ANO4: variants seen among roughly 807,000 people sequenced by gnomAD.
ANO4 encodes the protein anoctamin-4.
A neutral mutation model predicts 141.9 loss-of-function variants in ANO4; 69 were observed. The observed-to-expected ratio is 0.49, with a 90% confidence interval of 0.40 to 0.59. The LOEUF is 0.59. Among genes scored for constraint, ANO4 ranks in the 20% least tolerant of loss-of-function variants. ANO4 has a pLI of 0.00. For synonymous variants in ANO4, 350 were observed against 394.3 expected (o/e 0.89, Z 1.33); for missense variants, 894 against 1,162.2 (o/e 0.77, Z 3.36).
intron 15 of ANO4, among the ~76,000 whole-genome samples, chr12:101,081,706 G>C (rs1035038610): frequency 1.3e-5 from 2 of 152,186 alleles, no homozygotes; most frequent in African/African-American, 4.8e-5. Flanking sequence ...CATGCTCACA[G>C]TTCTGGAGGC....
chr12:101,063,745 C>CTTTTTGTTTTTT (rs2048447810), intron 14 of ANO4, among the ~76,000 whole-genome samples: 1 of 24,772 alleles, frequency 4.0e-5, no homozygotes, highest in Non-Finnish European at 6.7e-5. Flanking sequence ...TCCAGGTTAT[C>CTTTTTGTTTTTT]TTTTTTTTTT....
chr12:100,881,482 A>G (rs929159719), intron 1 of ANO4, among the ~76,000 whole-genome samples: 6 of 151,070 alleles, frequency 4.0e-5, no homozygotes, highest in African/African-American at 1.5e-4. Context: ...ATTCTCCACT[A>G]TTGGATAACA....
intron 1 of ANO4, among the ~76,000 whole-genome samples, chr12:100,727,748 T>C (rs1317635767): frequency 6.6e-6 from 1 of 152,126 alleles, no homozygotes; most frequent in Non-Finnish European, 1.5e-5. Context: ...ACTTTCCCCC[T>C]CATTTATTTC....
chr12:101,064,494 C>T (rs1277206079), intron 14 of ANO4, among the ~76,000 whole-genome samples: 1 of 151,974 alleles, frequency 6.6e-6, no homozygotes, highest in South Asian at 2.1e-4. Context: ...CGGAGGGGAA[C>T]ATCACACACC....
intron 18 of ANO4, 81 bp from the exon 19 acceptor site, chr12:101,096,455 G>C (rs2049985992): frequency 9.2e-7 from 1 of 1,090,380 alleles, no homozygotes; most frequent in Non-Finnish European, 1.4e-6. Flanking sequence ...TCCCCACCCT[G>C]TGTGTGTGGG....
In ANO4 at chr12:101,028,176, G is replaced by A. The variant is rs563717440; in HGVS notation, c.841+8036G>A. On this transcript the variant is annotated intron_variant, in intron 9 of 27. Transcript: ENST00000392977. Reference sequence around the variant, plus strand: ...GTCCTCACAAAAACCCCATCCAGTGGTCAGCTGCCTCAAAGATCGAAACTA... The same window carrying A: ...GTCCTCACAAAAACCCCATCCAGTGATCAGCTGCCTCAAAGATCGAAACTA... Among the ~76,000 whole-genome samples the A allele has an allele frequency of 2.0e-5, 3 of 152,118 alleles. No individual in the cohort carries two copies. In the East Asian group the frequency reaches 5.8e-4, roughly 29 times the overall value.
rs779831298 is a variant in ANO4 at position 100,971,426 on chromosome 12, A to G, written c.557+20A>G. ...TTTCAGGTAGGTGGAAATGTATTTTATTCCACTCTCTCTGCTGCTTCACTG... is the reference window on the plus strand; with the variant it reads ...TTTCAGGTAGGTGGAAATGTATTTTGTTCCACTCTCTCTGCTGCTTCACTG... On this transcript the variant is annotated intron_variant, in intron 6 of 27. Coordinates refer to ENST00000392977, the MANE Select transcript of ANO4 (RefSeq NM_001286615.2). 3.9e-5 allele frequency: 58 copies of G among 1,483,960 alleles called. No homozygotes were observed. Among genetic ancestry groups the G allele is most frequent in the Non-Finnish European group, 4.7e-5 (50 of 1,065,412 alleles). The allele number at this position is 1,483,960 out of a possible 1,614,324, so 91.9% of individuals were successfully genotyped here.
intron 7 of ANO4, among the ~76,000 whole-genome samples, chr12:100,979,961 C>T (rs1397547833): frequency 5.4e-5 from 8 of 147,102 alleles, no homozygotes; most frequent in Admixed American, 4.2e-4. Flanking sequence ...AGGATGGTCT[C>T]GATCTCTTGA....
chr12:100,863,516 G>A (rs973920410), intron 1 of ANO4, among the ~76,000 whole-genome samples: 2 of 152,020 alleles, frequency 1.3e-5, no homozygotes, highest in Non-Finnish European at 2.9e-5. Flanking sequence ...GAAGGCTTTC[G>A]GCTGAGTTCA....
rs565267413 is a variant in ANO4 at position 101,070,432 on chromosome 12, T to A, written c.1313-8761T>A. Among the ~76,000 whole-genome samples the A allele has an allele frequency of 9.2e-5, 14 of 152,274 alleles. No homozygotes were observed. The East Asian group carries it at 2.7e-3, about 29-fold the overall frequency. On this transcript the variant is annotated intron_variant, in intron 14 of 27. Coordinates refer to ENST00000392977, the MANE Select transcript of ANO4 (RefSeq NM_001286615.2). ...ATACATTGGGGAAAAGTCTTTTCAA[T>A]AAATGGTGCTAGGAAAGCTGGATAT...
chr12:100,926,283 A>G (rs900616381), intron 3 of ANO4, among the ~76,000 whole-genome samples: 4 of 152,124 alleles, frequency 2.6e-5, no homozygotes, highest in African/African-American at 9.7e-5. Context: ...TGCATACCCT[A>G]AGTATATCCT....
At chr12:100,935,568 A>T (rs1374459156) in intron 3 of ANO4, among the ~76,000 whole-genome samples, 1 of 152,164 alleles carries the variant, frequency 6.6e-6, no homozygotes, top group Non-Finnish European at 1.5e-5. Flanking sequence ...AAGGAAGGTG[A>T]TGGGATTCAT....
chr12:101,069,532 G>A (rs1030844544), intron 14 of ANO4, among the ~76,000 whole-genome samples: 1 of 152,290 alleles, frequency 6.6e-6, no homozygotes, highest in South Asian at 2.1e-4. Flanking sequence ...GGAGACATAT[G>A]CCTTCTGGAA....
intron 1 of ANO4, among the ~76,000 whole-genome samples, chr12:100,725,037 A>G (rs1460569085): frequency 6.6e-6 from 1 of 152,218 alleles, no homozygotes; most frequent in African/African-American, 2.4e-5. Context: ...TTTGTAAATT[A>G]AATGGTATTT....
chr12:100,809,204 T>G (rs561866527), intron 1 of ANO4, among the ~76,000 whole-genome samples: 1 of 152,204 alleles, frequency 6.6e-6, no homozygotes, highest in East Asian at 1.9e-4. Context: ...CTGGCCAACA[T>G]GGCAAAACCC....
chr12:100,717,386 G>T, upstream of ANO4: 1 of 344,904 alleles, frequency 2.9e-6, no homozygotes, highest in South Asian at 1.5e-4. Context: ...CGCGCTGACT[G>T]GGCGTGCTCA....
intron 14 of ANO4, among the ~76,000 whole-genome samples, chr12:101,056,706 T>G (rs1392814357): frequency 6.6e-6 from 1 of 151,934 alleles, no homozygotes; most frequent in Non-Finnish European, 1.5e-5. Flanking sequence ...TTAAGTATGA[T>G]AGAAACCACA....
intron 3 of ANO4, among the ~76,000 whole-genome samples, chr12:100,769,415 G>A (rs1288372507): frequency 6.6e-6 from 1 of 152,160 alleles, no homozygotes; most frequent in Non-Finnish European, 1.5e-5. Context: ...TATAGTGTAG[G>A]CATCCCACTG....
chr12:100,717,578 G>A, intron 1 of ANO4: 1 of 400,074 alleles, frequency 2.5e-6, no homozygotes, highest in Non-Finnish European at 4.4e-6. Context: ...TTCCTGGGGC[G>A]GCGGGGCGGA....
Sources: allele counts gnomAD v4.1 joint callset (sites outside exome capture counted in the v4.1 genomes callset), GRCh38; gene constraint gnomAD v4.1.1; transcripts MANE v1.5; gene names NCBI Gene and HGNC (gene_info 2026-07-23, HGNC 2026-07-21).